Variants in NAPB observed in about 807,000 individuals in gnomAD.
The protein encoded by NAPB is NSF attachment protein beta.
In NAPB, 26 loss-of-function variants were observed where a neutral mutation model predicts 44.7. The ratio of observed to expected loss-of-function variants is 0.58; its 90% CI spans 0.43 to 0.81. The LOEUF (loss-of-function observed/expected upper bound fraction) is 0.81. Among genes scored for constraint, NAPB ranks in the 30% least tolerant of loss-of-function variants. NAPB has a pLI of 0.00. For missense variants in NAPB, 315 were observed against 356.4 expected, an observed-to-expected ratio of 0.88 and a Z score of 0.94; for synonymous variants, 120 against 116.8, an observed-to-expected ratio of 1.03 and a Z score of -0.18.
intron 1 of NAPB, among the ~76,000 whole-genome samples, chr20:23,415,111 AT>A (rs1985912951): frequency 6.6e-6 from 1 of 152,144 alleles, no homozygotes; most frequent in African/African-American, 2.4e-5. Flanking sequence ...GTTATAATAA[AT>A]TTTTCATCAT....
At chr20:23,399,074 T>C (rs538725235) in intron 2 of NAPB, among the ~76,000 whole-genome samples, 6 of 152,120 alleles carry the variant, frequency 3.9e-5, no homozygotes, top group African/African-American at 1.2e-4. Flanking sequence ...CTCATGTGGG[T>C]TTCTGAACCT....
chr20:23,421,273 C>T (rs781628179), intron 1 of NAPB, 32 bp downstream of exon 1: 3 of 1,511,446 alleles, frequency 2.0e-6, no homozygotes, highest in African/African-American at 2.8e-5. Context: ...GGAGACCCCC[C>T]CCCCCCAGGG....
chr20:23,377,689 T>C (rs1480435208), intron 10 of NAPB, among the ~76,000 whole-genome samples: 1 of 152,192 alleles, frequency 6.6e-6, no homozygotes, highest in Non-Finnish European at 1.5e-5. Flanking sequence ...TTGATACTAG[T>C]GACAAGTTCC....
chr20:23,385,763 AAGAG>A (rs11468639), intron 7 of NAPB, among the ~76,000 whole-genome samples: 17,087 of 149,182 alleles, frequency 0.11, 1,106 homozygotes, highest in East Asian at 0.3. Flanking sequence ...GAAAGAGAGA[AAGAG>A]AGAGAGAGAG....
chr20:23,385,205 T>C (rs913447038), intron 7 of NAPB, among the ~76,000 whole-genome samples: 3 of 151,964 alleles, frequency 2.0e-5, no homozygotes, highest in African/African-American at 7.3e-5. Context: ...AGAAAAAGAA[T>C]GGACAAACAT....
rs1442294651 is a variant in NAPB, at chr20:23,381,153, G to C, written c.666+60C>G. 4.5e-6 allele frequency: 5 copies of C among 1,109,754 alleles called. No individual in the cohort carries two copies. In the African/African-American group the frequency reaches 7.7e-5, roughly 17 times the overall value. 68.7% of individuals were successfully genotyped at this position (1,109,754 alleles called of 1,614,324 possible). ...AAATGAAATGATACCAAGAACAAGA[G>C]AGAATGTGTACGTATTCTTATGGGT... On this transcript the variant is annotated intron_variant, in intron 8 of 10. Coordinates refer to ENST00000377026, the MANE Select transcript of NAPB (RefSeq NM_022080.3).
intron 7 of NAPB, among the ~76,000 whole-genome samples, chr20:23,385,026 G>A (rs1347333660): frequency 6.6e-6 from 1 of 151,850 alleles, no homozygotes; most frequent in Non-Finnish European, 1.5e-5. Context: ...GGCTGAGGCA[G>A]GAGAATTACT....
chr20:23,390,372 C>T, intron 5 of NAPB, 108 bp from the exon 6 acceptor site: 2 of 848,864 alleles, frequency 2.4e-6, no homozygotes, highest in Non-Finnish European at 3.8e-6. Flanking sequence ...TACCAGCAAA[C>T]TTTTCACAAC....
chr20:23,420,811 C>CCCT lies in NAPB; in HGVS notation c.98+493_98+494insAGG, dbSNP rs1490046948. Among the ~76,000 whole-genome samples, 388 of 48,492 alleles carry CCCT rather than the reference C, an allele frequency of 8.0e-3. 2 individuals are homozygous for CCCT. The highest frequency in any genetic ancestry group is 0.027 in the African/African-American group (366 of 13,348). The allele number at this position is 48,492 out of a possible 152,430, so 31.8% of individuals were successfully genotyped here. ...CCAGAGGGCGCGTGAGGCTGACAGC[C>CCCT]CCCCCCCCAGAGTGTTCTAGGGGCT... is the stretch of plus-strand genomic sequence containing the variant. On this transcript the variant is annotated intron_variant, in intron 1 of 10. Transcript: ENST00000377026.
intron 5 of NAPB, among the ~76,000 whole-genome samples, chr20:23,391,422 A>G (rs892126391): frequency 2.0e-5 from 3 of 152,226 alleles, no homozygotes; most frequent in African/African-American, 7.2e-5. Flanking sequence ...ACAGTTTTGT[A>G]AGAGCTGAAC....
chr20:23,395,230 T>A, intron 3 of NAPB, 45 bp from the exon 4 acceptor site: 10 of 1,603,364 alleles, frequency 6.2e-6, no homozygotes, highest in Non-Finnish European at 8.5e-6. Context: ...ATCCATTCAG[T>A]CAAAGAGGGT....
intron 1 of NAPB, among the ~76,000 whole-genome samples, chr20:23,409,430 C>T (rs1298591147): frequency 6.6e-6 from 1 of 152,058 alleles, no homozygotes; most frequent in African/African-American, 2.4e-5. Flanking sequence ...TTTCTAATGC[C>T]TCAACTTTAT....
rs17750862 is a variant in NAPB, at chr20:23,397,178, G to T, written c.189C>A (p.Asn63Lys). 6.2e-7 allele frequency: 1 copy of T among 1,611,296 alleles called. No individual in the cohort carries two copies. The highest frequency in any genetic ancestry group is 8.5e-7 in the Non-Finnish European group (1 of 1,178,026). ...KMAKNWSAAG[N>K]AFCQAAKLHM... The stretch of plus-strand genomic sequence containing the variant: ...GGAGCTTGGCTGCCTGACAAAATGC[G>T]TTTCCTGCAGCTGAAGAAGACACTA... The change falls in exon 3 of 11, where the codon AAC becomes AAA. Residue 63 changes from asparagine (N) to lysine (K), a missense_variant. Transcript: ENST00000377026.
At chr20:23,379,973 TAA>T in intron 8 of NAPB, 38 bp from the exon 9 acceptor site, 1 of 1,549,056 alleles carries the variant, frequency 6.5e-7, no homozygotes, top group Admixed American at 1.7e-5. Flanking sequence ...TCAGACTTAC[TAA>T]ACAAACAAAG....
Position 23,421,389 on chromosome 20 carries a change from C to G in NAPB, c.14G>C (p.Gly5Ala), listed in dbSNP as rs779232726. The G allele has an allele frequency of 7.7e-5, 119 of 1,547,284 alleles. No individual in the cohort carries two copies. The highest frequency in any genetic ancestry group is 9.8e-5 in the Non-Finnish European group (112 of 1,146,106). The change falls in exon 1 of 11, where the codon GGG becomes GCG. Residue 5 changes from glycine (G) to alanine (A), a missense_variant. Transcript: ENST00000377026. MDNA[G>A]KEREAVQLMA... Reference sequence around the variant, plus strand: ...CAGCTGTACTGCCTCACGCTCCTTCCCCGCGTTGTCCATGTCGCCCGCCGC... The same window carrying G: ...CAGCTGTACTGCCTCACGCTCCTTCGCCGCGTTGTCCATGTCGCCCGCCGC...
At chr20:23,421,141 G>A (rs968554555) in intron 1 of NAPB, among the ~76,000 whole-genome samples, 164 bp downstream of exon 1, 6 of 151,582 alleles carry the variant, frequency 4.0e-5, no homozygotes, top group South Asian at 2.1e-4. Flanking sequence ...GGGGGCGCTG[G>A]GGGACCCTAC....
intron 1 of NAPB, among the ~76,000 whole-genome samples, chr20:23,411,008 C>T (rs1432246704): frequency 6.6e-6 from 1 of 152,006 alleles, no homozygotes; most frequent in Non-Finnish European, 1.5e-5. Context: ...GCAGATTCTA[C>T]TGACAATAAG....
intron 2 of NAPB, among the ~76,000 whole-genome samples, chr20:23,400,476 A>G (rs1984752878): frequency 6.6e-6 from 1 of 151,788 alleles, no homozygotes; most frequent in South Asian, 2.1e-4. Context: ...AGATCGCACC[A>G]CTGCATTCTA....
intron 5 of NAPB, among the ~76,000 whole-genome samples, chr20:23,391,807 T>C (rs1983980313): frequency 6.6e-6 from 1 of 152,254 alleles, no homozygotes; most frequent in Admixed American, 6.5e-5. Context: ...AAAACCATTT[T>C]TAGCATGCAA....
Sources: allele counts gnomAD v4.1 joint callset (sites outside exome capture counted in the v4.1 genomes callset), GRCh38; gene constraint gnomAD v4.1.1; transcripts MANE v1.5; gene names NCBI Gene and HGNC (gene_info 2026-07-23, HGNC 2026-07-21).